FAT3: variants seen among roughly 807,000 people sequenced by gnomAD.
FAT3 encodes protocadherin Fat 3.
Under a neutral mutation model 310.2 loss-of-function variants are expected in FAT3, and 95 were observed. The ratio of observed to expected loss-of-function variants is 0.31; its 90% confidence interval spans 0.26 to 0.36. FAT3 has a LOEUF of 0.36. Ranked by LOEUF, FAT3 falls within the 10% of genes least tolerant of loss-of-function variation. FAT3 has a pLI of 1.00. For synonymous variants in FAT3, 2,314 were observed against 2,192.9 expected, an observed-to-expected ratio of 1.06 and a Z score of -1.54; for missense variants, 5,408 against 5,715.6, an observed-to-expected ratio of 0.95 and a Z score of 1.74.
intron 13 of FAT3, 52 bp from the exon 14 acceptor site, chr11:92,831,570 A>C: frequency 6.6e-7 from 1 of 1,505,746 alleles, no homozygotes; most frequent in South Asian, 1.3e-5. Flanking sequence ...ATTCTAGTGC[A>C]GATCATCTGG....
chr11:92,759,155 A>G (rs1946080371), intron 4 of FAT3, among the ~76,000 whole-genome samples: 1 of 152,186 alleles, frequency 6.6e-6, no homozygotes, highest in Non-Finnish European at 1.5e-5. Flanking sequence ...GATTGGAGCT[A>G]TGTTGTTAAG....
chr11:92,473,624 C>G (rs1384563209), intron 2 of FAT3, among the ~76,000 whole-genome samples: 3 of 152,078 alleles, frequency 2.0e-5, no homozygotes, highest in Admixed American at 2.0e-4. Flanking sequence ...TTTGATAAAT[C>G]TCTCCCAATG....
intron 2 of FAT3, among the ~76,000 whole-genome samples, chr11:92,454,286 T>C (rs1951441657): frequency 6.6e-6 from 1 of 152,162 alleles, no homozygotes; most frequent in Non-Finnish European, 1.5e-5. Context: ...AGTATGCAAG[T>C]GATAGTATCT....
chr11:92,793,115 A>G (rs113248628), intron 9 of FAT3, 138 bp downstream of exon 9: 375 of 768,886 alleles, frequency 4.9e-4, no homozygotes, highest in Non-Finnish European at 6.9e-4. Flanking sequence ...CCGCTGTCCT[A>G]TTTGGGAGAT....
chr11:92,376,078 T>C (rs1949334988), intron 2 of FAT3, among the ~76,000 whole-genome samples: 1 of 152,176 alleles, frequency 6.6e-6, no homozygotes, highest in Non-Finnish European at 1.5e-5. Context: ...CTTTATAAAA[T>C]ATTAGAAAGC....
At chr11:92,617,483 A>G (rs4644613) in intron 3 of FAT3, among the ~76,000 whole-genome samples, 5,316 of 151,974 alleles carry the variant, frequency 0.035, 218 homozygotes, top group East Asian at 0.21. Flanking sequence ...TCTTCTCTCA[A>G]CTCGTCAAAG....
chr11:92,344,590 G>GA (rs957651365), intron 1 of FAT3, among the ~76,000 whole-genome samples: 6 of 152,026 alleles, frequency 3.9e-5, no homozygotes, highest in African/African-American at 1.4e-4. Context: ...CATAAGAAAA[G>GA]AAAAAAATGC....
intron 14 of FAT3, among the ~76,000 whole-genome samples, chr11:92,833,312 C>G (rs541114961): frequency 1.3e-5 from 2 of 152,280 alleles, no homozygotes; most frequent in African/African-American, 4.8e-5. Flanking sequence ...GCACATAGTT[C>G]CCTCATCACT....
chr11:92,754,023 T>C (rs1297810086), intron 4 of FAT3, among the ~76,000 whole-genome samples: 1 of 151,798 alleles, frequency 6.6e-6, no homozygotes, highest in Non-Finnish European at 1.5e-5. Context: ...ACTACAAATA[T>C]GGTGCAATGT....
At chr11:92,860,895 G>A (rs1421493846) in intron 21 of FAT3, among the ~76,000 whole-genome samples, 2 of 152,182 alleles carry the variant, frequency 1.3e-5, no homozygotes, top group Non-Finnish European at 2.9e-5. Flanking sequence ...ACTTTTGTAA[G>A]CAGTCTCCCA....
In FAT3 at chr11:92,560,661, T is replaced by C. The variant is rs565064396; in HGVS notation, c.3607+35713T>C. The stretch of plus-strand genomic sequence containing the variant: ...AACAATAAAAAGAAAAAGACTCTGT[T>C]TATGCTGTGTATGATCACAAAAACT... On this transcript the variant is annotated intron_variant, in intron 3 of 27. Coordinates refer to ENST00000525166, the MANE Select transcript of FAT3 (RefSeq NM_001367949.2). 1.4e-4 allele frequency among the ~76,000 whole-genome samples: 21 copies of C among 152,300 alleles called. 1 individual carries two copies. The South Asian group carries it at 4.4e-3, about 32-fold the overall frequency.
chr11:92,531,104 A>T (rs1188821425), intron 3 of FAT3, among the ~76,000 whole-genome samples: 1 of 152,238 alleles, frequency 6.6e-6, no homozygotes, highest in Non-Finnish European at 1.5e-5. Flanking sequence ...CACAAGGCAG[A>T]TAATGTAGCG....
intron 3 of FAT3, among the ~76,000 whole-genome samples, chr11:92,586,965 G>A (rs1939187538): frequency 6.6e-6 from 1 of 151,984 alleles, no homozygotes; most frequent in Non-Finnish European, 1.5e-5. Context: ...AATTTCAAAT[G>A]TGAGAAGCAT....
intron 1 of FAT3, among the ~76,000 whole-genome samples, chr11:92,275,957 T>TATGTGTGTGATACATATAAAAG (rs1946256752): frequency 3.4e-5 from 1 of 29,850 alleles, no homozygotes; most frequent in African/African-American, 2.1e-4. Context: ...TGATCACGTT[T>TATGTGTGTGATACATATAAAAG]ATGTGTGTGA....
At chr11:92,554,060 A>T (rs1202143766) in intron 3 of FAT3, among the ~76,000 whole-genome samples, 4 of 151,318 alleles carry the variant, frequency 2.6e-5, no homozygotes, top group Non-Finnish European at 5.9e-5. Flanking sequence ...CCCACCTTAG[A>T]CTCCCAAAGT....
At position 92,354,749 on chromosome 11, in the gene FAT3, C is replaced by T. The variant is rs1565252211; in HGVS notation, c.2637C>T (p.Ile879=). ...TGACAGATACACAGCAGTTTGCCAT[C>T]AATAGCTCAACTGGAATCGTTTATG... is the stretch of plus-strand genomic sequence containing the variant. The part of the protein sequence containing the change: ...SVLTDTQQFA[I]NSSTGIVYVA... Residue 879 remains isoleucine (I), a synonymous_variant, in exon 2 of 28, where the codon ATC becomes ATT. Coordinates refer to ENST00000525166, the MANE Select transcript of FAT3 (RefSeq NM_001367949.2). 6.2e-7 allele frequency: 1 copy of T among 1,613,872 alleles called. No individual in the cohort carries two copies. Among genetic ancestry groups the T allele is most frequent in the Non-Finnish European group, 8.5e-7 (1 of 1,179,860 alleles).
intron 2 of FAT3, among the ~76,000 whole-genome samples, chr11:92,407,726 A>G (rs975427722): frequency 7.2e-5 from 11 of 152,222 alleles, no homozygotes; most frequent in African/African-American, 1.2e-4. Flanking sequence ...CTTGATGTTC[A>G]TCTGACACGT....
intron 2 of FAT3, among the ~76,000 whole-genome samples, chr11:92,364,442 CTCATTTCAGTCTTCTAAGAA>C (rs545233644): frequency 5.7e-4 from 87 of 152,296 alleles, no homozygotes; most frequent in African/African-American, 2.0e-3. Flanking sequence ...TAGCTTGCAT[CTCATTTCAGTCTTCTAAGAA>C]TAGTTTTCTG....
intron 2 of FAT3, among the ~76,000 whole-genome samples, chr11:92,437,874 C>G (rs183998838): frequency 7.9e-5 from 12 of 152,188 alleles, no homozygotes; most frequent in African/African-American, 2.4e-4. Flanking sequence ...ATGGGGGTCA[C>G]TGATGGCTTT....
Sources: allele counts gnomAD v4.1 joint callset (sites outside exome capture counted in the v4.1 genomes callset), GRCh38; gene constraint gnomAD v4.1.1; transcripts MANE v1.5; gene names NCBI Gene and HGNC (gene_info 2026-07-23, HGNC 2026-07-21).